The following PRL variants were observed in gnomAD, a reference collection of about 807,000 sequenced individuals.
PRL encodes the protein decidual prolactin.
In PRL, 24 loss-of-function variants were observed where a neutral mutation model predicts 21.3. The ratio of observed to expected loss-of-function variants is 1.13; its 90% confidence interval spans 0.82 to 1.59. PRL has a LOEUF of 1.59. Ranked by LOEUF, PRL falls within the 40% of genes most tolerant of loss-of-function variation. The pLI is 0.00. For missense variants in PRL, 243 were observed against 286.9 expected, an observed-to-expected ratio of 0.85 and a Z score of 1.10; for synonymous variants, 118 against 115.7, an observed-to-expected ratio of 1.02 and a Z score of -0.13.
chr6:22,287,357 G>A lies in PRL; in HGVS notation c.*45C>T, dbSNP rs565105548. 2.0e-5 allele frequency: 31 copies of A among 1,535,328 alleles called. No individual in the cohort carries two copies. The highest frequency in any genetic ancestry group is 2.6e-5 in the Non-Finnish European group (29 of 1,124,764). On this transcript the variant is annotated 3_prime_UTR_variant, in exon 5 of 5. Transcript: ENST00000306482. ...AACTAAAAGAAGCTTGCAATGGAAC[G>A]GATCATTAAGGACCTTCTCAGAAAT... is the stretch of plus-strand genomic sequence containing the variant.
chr6:22,297,373 A>G (rs1051275709), upstream of PRL: 3 of 194,582 alleles, frequency 1.5e-5, no homozygotes, highest in Non-Finnish European at 3.2e-5. Flanking sequence ...AGTTTGTTGA[A>G]TATATAGGAT....
intron 4 of PRL, among the ~76,000 whole-genome samples, chr6:22,289,703 T>C (rs1385906260): frequency 2.6e-5 from 4 of 152,180 alleles, no homozygotes; most frequent in Non-Finnish European, 5.9e-5. Flanking sequence ...TGCTCCTCCC[T>C]GACAAGTCTG....
chr6:22,298,734 A>C (rs1380019979), upstream of PRL, among the ~76,000 whole-genome samples: 1 of 152,186 alleles, frequency 6.6e-6, no homozygotes, highest in Non-Finnish European at 1.5e-5. Context: ...ATTATTAAGA[A>C]AGCAGAGCTG....
intron 1 of PRL, 132 bp from the exon 2 acceptor site, chr6:22,294,716 G>T: frequency 1.1e-6 from 1 of 942,998 alleles, no homozygotes; most frequent in Non-Finnish European, 1.5e-6. Context: ...TAATGGCTGG[G>T]ATGGGGGAAG....
intron 2 of PRL, among the ~76,000 whole-genome samples, chr6:22,294,113 T>C (rs1473122402): frequency 6.6e-6 from 1 of 152,144 alleles, no homozygotes; most frequent in Non-Finnish European, 1.5e-5. Flanking sequence ...CACTCTTCCT[T>C]CTCCTCAGCC....
At chr6:22,287,920 G>T (rs1469389828) in intron 4 of PRL, among the ~76,000 whole-genome samples, 1 of 152,102 alleles carries the variant, frequency 6.6e-6, no homozygotes. Flanking sequence ...GCTAGCTTCG[G>T]TGCTCTCACT....
chr6:22,288,916 G>A lies in PRL; in HGVS notation c.492+1258C>T, dbSNP rs1760987428. ...TGTGCGTGTGTGCGCGCGCGTGTGT[G>A]TGCGTGCGCGTGTGTGTGCATGTGT... is the stretch of plus-strand genomic sequence containing the variant. On this transcript the variant is annotated intron_variant, in intron 4 of 4. Coordinates refer to ENST00000306482, the MANE Select transcript of PRL (RefSeq NM_000948.6). This position sits in a 1 kb window ranked among gnomAD's most constrained non-coding sequence, Gnocchi z 4.5. 1.3e-5 allele frequency among the ~76,000 whole-genome samples: 2 copies of A among 151,060 alleles called. No homozygotes were observed. The highest frequency in any genetic ancestry group is 1.3e-4 in the Admixed American group (2 of 15,170).
At chr6:22,290,407 A>G (rs756336526) in intron 3 of PRL, 54 bp from the exon 4 acceptor site, 10 of 1,368,330 alleles carry the variant, frequency 7.3e-6, no homozygotes, top group Non-Finnish European at 9.7e-6. Context: ...CAATGGGGTT[A>G]GTTACTTGTG....
intron 1 of PRL, among the ~76,000 whole-genome samples, chr6:22,296,741 G>A (rs774421076): frequency 1.1e-4 from 16 of 152,096 alleles, no homozygotes; most frequent in East Asian, 5.8e-4. Context: ...AACATCTCCC[G>A]ACATTGCCAA....
At chr6:22,298,334 T>C (rs557195639), upstream of PRL, among the ~76,000 whole-genome samples, 114 of 152,370 alleles carry the variant, frequency 7.5e-4, no homozygotes, top group African/African-American at 2.7e-3. Context: ...TAAGTTTTAT[T>C]GATGACTTTC....
chr6:22,292,086 G>A lies in PRL; in HGVS notation c.312+452C>T, dbSNP rs140792877. ...GTAGCAGAAATAGAACCAGAGTAGA[G>A]TCTTGAAAGTCCAGAACAGATGGCT... On this transcript the variant is annotated intron_variant, in intron 3 of 4. Coordinates refer to ENST00000306482, the MANE Select transcript of PRL (RefSeq NM_000948.6). 5.3e-3 allele frequency among the ~76,000 whole-genome samples: 805 copies of A among 152,308 alleles called. 4 individuals are homozygous for A. The highest frequency in any genetic ancestry group is 7.9e-3 in the Non-Finnish European group (540 of 68,034).
chr6:22,299,040 A>G (rs1761233937), upstream of PRL, among the ~76,000 whole-genome samples: 2 of 152,224 alleles, frequency 1.3e-5, no homozygotes. Flanking sequence ...ATTGAAATAT[A>G]TAAATAATGC....
intron 1 of PRL, among the ~76,000 whole-genome samples, chr6:22,302,629 C>A (rs551661702): frequency 6.6e-6 from 1 of 151,970 alleles, no homozygotes; most frequent in East Asian, 1.9e-4. Flanking sequence ...AATGAAGAAC[C>A]AAAGAAACAG....
At chr6:22,299,637 G>A (rs1051612926), upstream of PRL, among the ~76,000 whole-genome samples, 8 of 152,182 alleles carry the variant, frequency 5.3e-5, no homozygotes, top group South Asian at 2.1e-4. Flanking sequence ...TCAGGAGTTC[G>A]ACACCAGTCT....
At chr6:22,294,673 C>T in intron 1 of PRL, 89 bp from the exon 2 acceptor site, 1 of 1,381,156 alleles carries the variant, frequency 7.2e-7, no homozygotes, top group Non-Finnish European at 9.6e-7. Flanking sequence ...CCTTATTGCT[C>T]CCCACTGCCC....
Position 22,294,462 on chromosome 6 carries a change from C to T in PRL, c.151G>A (p.Val51Ile). 2 of 1,614,116 alleles carry T rather than the reference C, an allele frequency of 1.2e-6. No homozygotes were observed. Among genetic ancestry groups the T allele is most frequent in the Non-Finnish European group, 1.7e-6 (2 of 1,180,016 alleles). ...TTATGGATGTAGTGGGACAGGACGA[C>T]GGCGCGGTCAAACAGGTCTCGAAGG... ...VTLRDLFDRA[V>I]VLSHYIHNLS... Residue 51 changes from valine (V) to isoleucine (I), a missense_variant, in exon 2 of 5, where the codon GTC (valine) becomes ATC (isoleucine). Coordinates refer to ENST00000306482, the MANE Select transcript of PRL (RefSeq NM_000948.6).
intron 4 of PRL, among the ~76,000 whole-genome samples, chr6:22,289,609 T>C (rs553635480): frequency 6.6e-6 from 1 of 152,310 alleles, no homozygotes; most frequent in African/African-American, 2.4e-5. Context: ...CTTTTGTGAC[T>C]CCCTGCAATC....
rs1761017434 is a variant in PRL at position 22,290,183 on chromosome 6, T to C, written c.483A>G (p.Ile161Met). The C allele has an allele frequency of 6.3e-7, 1 of 1,580,044 alleles. No individual in the cohort carries two copies. The highest frequency in any genetic ancestry group is 1.3e-5 in the African/African-American group (1 of 74,350). ...CCAGGAGGCTGCTCACCTGGCTGAC[T>C]ATCAGCTCCATGCCCTCTAGAAGCC... ...TKRLLEGMEL[I>M]VSQVHPETKE... Residue 161 changes from isoleucine (I) to methionine (M), a missense_variant, in exon 4 of 5, where the codon ATA becomes ATG. By Grantham distance (10) the Ile-to-Met change is conservative. Transcript: ENST00000306482.
chr6:22,295,920 G>T (rs1761163675), intron 1 of PRL, among the ~76,000 whole-genome samples: 1 of 152,186 alleles, frequency 6.6e-6, no homozygotes, highest in African/African-American at 2.4e-5. Flanking sequence ...GCTTAGTGTA[G>T]GAAGTGACTA....
Sources: gnomAD v4.1 joint callset for allele counts (sites outside exome capture counted in the v4.1 genomes callset) on GRCh38, gnomAD v4.1.1 for gene constraint, Gnocchi (gnomAD v3.1) non-coding constraint, MANE v1.5 for transcripts, NCBI Gene and HGNC (gene_info 2026-07-23, HGNC 2026-07-21) for gene names.